CLK1: variants seen among roughly 807,000 people sequenced by gnomAD.
CLK1 encodes dual specificity protein kinase CLK1.
CLK1 carries 40 observed loss-of-function variants against 60.9 expected under a neutral mutation model. That is an observed-to-expected ratio of 0.66 (90% CI 0.51 to 0.86). The LOEUF (loss-of-function observed/expected upper bound fraction) is 0.86, where lower values mean the gene tolerates loss of function less well. Among genes scored for constraint, CLK1 ranks in the 40% least tolerant of loss-of-function variants. The probability of loss-of-function intolerance (pLI) is 0.00; values close to 1 mark genes in which losing one functional copy is unlikely to be tolerated. For synonymous variants in CLK1, 203 were observed against 184.4 expected (o/e 1.10, Z -0.82); for missense variants, 563 against 606.1 (o/e 0.93, Z 0.75).
At chr2:200,860,791 C>T (rs567559311) in intron 3 of CLK1, 2 of 1,023,022 alleles carry the variant, frequency 2.0e-6, no homozygotes, top group African/African-American at 3.5e-5. Flanking sequence ...CAAATCTGTT[C>T]TGGTTTGCTT....
Position 200,861,249 on chromosome 2 carries a change from G to T in CLK1, c.379C>A (p.Arg127Ser). The change falls in exon 3 of 13, where the codon CGT becomes AGT. Residue 127 changes from arginine (R) to serine (S), a missense_variant. Around this residue, in one of 3 missense-constraint regions of CLK1, gnomAD observed 198 missense variants for 179.2 expected, o/e 1.10. Transcript: ENST00000321356. ...HRIHHSTSHR[R>S]SHGKSHRRKR... Reference sequence around the variant, plus strand: ...AAAAACGTTCATACCCCATGTGAACGACGATGTGAAGTACTGTGGTGAATC... The same window carrying T: ...AAAAACGTTCATACCCCATGTGAACTACGATGTGAAGTACTGTGGTGAATC... 1 of 1,613,964 alleles carries T rather than the reference G, an allele frequency of 6.2e-7. No homozygotes were observed.
chr2:200,854,973 A>T, intron 10 of CLK1, 31 bp downstream of exon 10: 1 of 1,557,092 alleles, frequency 6.4e-7, no homozygotes, highest in Non-Finnish European at 8.8e-7. Flanking sequence ...TCTTGTGCAA[A>T]GCAAGGTTGA....
intron 1 of CLK1, chr2:200,864,264 C>G (rs1040987624): frequency 1.3e-5 from 19 of 1,505,736 alleles, no homozygotes; most frequent in Non-Finnish European, 1.5e-5. Flanking sequence ...ACATGGCGCC[C>G]GCCCGACCGT....
chr2:200,864,482 C>G (rs1019200691), intron 1 of CLK1, 82 bp downstream of exon 1: 7 of 477,744 alleles, frequency 1.5e-5, no homozygotes, highest in African/African-American at 1.4e-4. Context: ...AGCAAACAAG[C>G]AGGAAAAGGG....
At chr2:200,864,260 C>A in intron 1 of CLK1, 1 of 1,511,782 alleles carries the variant, frequency 6.6e-7, no homozygotes. Flanking sequence ...CACAACATGG[C>A]GCCCGCCCGA....
chr2:200,859,814 T>C, intron 4 of CLK1, 68 bp from the exon 5 acceptor site: 1 of 1,595,254 alleles, frequency 6.3e-7, no homozygotes, highest in Non-Finnish European at 8.5e-7. Context: ...CAATAAATGC[T>C]ATCAATGTAG....
chr2:200,863,831 G>A (rs1245685115), intron 1 of CLK1, among the ~76,000 whole-genome samples: 2 of 152,142 alleles, frequency 1.3e-5, no homozygotes, highest in Admixed American at 1.3e-4. Flanking sequence ...TCTAGCCTGG[G>A]CGACAGAGCG....
chr2:200,856,957 T>C lies in CLK1; in HGVS notation c.861A>G (p.Thr287=). The change falls in exon 8 of 13, where the codon ACA becomes ACG. Residue 287 remains threonine, a synonymous_variant. Transcript: ENST00000321356. ...NFLHSNKLTH[T]DLKPENILFV... is the part of the protein sequence containing the mutation. Reference sequence around the variant, plus strand: ...ATAAGATGTTTTCAGGCTTTAAGTCTGTGTGAGTCAACTTATTACTGTGCA... The same window carrying C: ...ATAAGATGTTTTCAGGCTTTAAGTCCGTGTGAGTCAACTTATTACTGTGCA... The C allele has an allele frequency of 6.2e-7, 1 of 1,614,072 alleles. No individual in the cohort carries two copies. The highest frequency in any genetic ancestry group is 8.5e-7 in the Non-Finnish European group (1 of 1,179,964).
In CLK1 at chr2:200,855,080, C is replaced by T; in HGVS notation, c.1064G>A (p.Gly355Glu). 1 of 1,598,454 alleles carries T rather than the reference C, an allele frequency of 6.3e-7. No individual in the cohort carries two copies. Among genetic ancestry groups the T allele is most frequent in the Non-Finnish European group, 8.5e-7 (1 of 1,175,742 alleles). ...CCAGACATCACATGGTTGGGACCAC[C>T]CTAGGGCTGCAAAGCAAAGCAAAAT... ...YRAPEVILAL[G>E]WSQPCDVWSI... Residue 355 changes from glycine to glutamate, a missense_variant, in exon 10 of 13, where the codon GGG becomes GAG. This residue lies in a region of CLK1 where 360 missense variants were observed against 407.0 expected (regional missense o/e 0.88). Coordinates refer to ENST00000321356, the MANE Select transcript of CLK1 (RefSeq NM_004071.4).
chr2:200,854,745 C>T (rs747851768), intron 10 of CLK1, 50 bp from the exon 11 acceptor site: 16 of 1,333,806 alleles, frequency 1.2e-5, no homozygotes, highest in Non-Finnish European at 1.7e-5. Flanking sequence ...CCAAAACAGA[C>T]ACAGTTAAAG....
chr2:200,859,886 A>C, intron 4 of CLK1, 140 bp from the exon 5 acceptor site: 1 of 1,448,258 alleles, frequency 6.9e-7, no homozygotes. Context: ...CAACACCATC[A>C]AAAAACATAA....
chr2:200,857,934 T>C (rs774252861), intron 6 of CLK1, 39 bp downstream of exon 6: 22 of 1,610,374 alleles, frequency 1.4e-5, no homozygotes, highest in Non-Finnish European at 1.8e-5. Context: ...AATTTAAATA[T>C]ACCTGATACC....
Position 200,861,466 on chromosome 2 carries a change from G to T in CLK1, c.162C>A (p.Ser54Arg). ...TTATAGACCTGCTTTCCAAATAATG[G>T]CTAGAGAAATAAAAATTATTTTCAA... The part of the protein sequence containing the change: ...CKYNHSKMCD[S>R]HYLESRSINE... Residue 54 changes from serine (S) to arginine (R), a missense_variant and splice_region_variant, in exon 3 of 13, where the codon AGC becomes AGA. Physicochemically the swap from Ser to Arg is moderately radical, Grantham distance 110. Around this residue, in one of 3 missense-constraint regions of CLK1, gnomAD observed 198 missense variants for 179.2 expected, o/e 1.10. Coordinates refer to ENST00000321356, the MANE Select transcript of CLK1 (RefSeq NM_004071.4). The T allele has an allele frequency of 6.2e-7, 1 of 1,610,810 alleles. No homozygotes were observed. Among genetic ancestry groups the T allele is most frequent in the Non-Finnish European group, 8.5e-7 (1 of 1,178,860 alleles).
At chr2:200,855,179 A>C (rs1023143050) in intron 9 of CLK1, 93 bp from the exon 10 acceptor site, 23 of 947,366 alleles carry the variant, frequency 2.4e-5, no homozygotes, top group Non-Finnish European at 3.3e-5. Context: ...TAAAAAAAAA[A>C]ACACATGTAA....
intron 9 of CLK1, among the ~76,000 whole-genome samples, chr2:200,856,453 C>A (rs1444606360): frequency 6.6e-6 from 1 of 152,118 alleles, no homozygotes; most frequent in Non-Finnish European, 1.5e-5. Flanking sequence ...AAAACCCTAC[C>A]ACATATTACA....
intron 11 of CLK1, 132 bp downstream of exon 11, chr2:200,854,484 C>T (rs914447609): frequency 3.4e-5 from 20 of 587,230 alleles, no homozygotes; most frequent in African/African-American, 2.9e-4. Flanking sequence ...TGCATTGAGC[C>T]GAGGTCACGC....
Position 200,857,755 on chromosome 2 carries a change from G to A in CLK1, c.795C>T (p.Ile265=), listed in dbSNP as rs1289980907. The A allele has an allele frequency of 1.2e-6, 2 of 1,609,708 alleles. No homozygotes were observed. Among genetic ancestry groups the A allele is most frequent in the Non-Finnish European group, 1.7e-6 (2 of 1,177,970 alleles). The stretch of plus-strand genomic sequence containing the variant: ...TGCATATCTGATATGCCATCTTTCT[G>A]ATATGATCCAGTCGAAATGGTAGAA... ...NGFLPFRLDH[I]RKMAYQICKS... is the part of the protein sequence containing the mutation. The change falls in exon 7 of 13, where the codon ATC becomes ATT. Residue 265 remains isoleucine (I), a synonymous_variant. Coordinates refer to ENST00000321356, the MANE Select transcript of CLK1 (RefSeq NM_004071.4).
chr2:200,854,788 A>C, intron 10 of CLK1, 93 bp from the exon 11 acceptor site: 1 of 962,504 alleles, frequency 1.0e-6, no homozygotes, highest in South Asian at 1.4e-5. Context: ...TAAGGCTTGC[A>C]GAACAAACTC....
At chr2:200,863,740 G>A (rs1391254182) in intron 1 of CLK1, among the ~76,000 whole-genome samples, 2 of 152,056 alleles carry the variant, frequency 1.3e-5, no homozygotes, top group Non-Finnish European at 1.5e-5. Context: ...TGTAATCCCA[G>A]CTATCCCGGA....
Sources: allele counts gnomAD v4.1 joint callset (sites outside exome capture counted in the v4.1 genomes callset), GRCh38; gene constraint gnomAD v4.1.1; regional missense constraint gnomAD v4.1.1; transcripts MANE v1.5; gene names NCBI Gene and HGNC (gene_info 2026-07-23, HGNC 2026-07-21).